The following ZNF684 variants were observed in gnomAD, a reference collection of about 807,000 sequenced individuals.
ZNF684 encodes hypothetical protein MGC27466.
In ZNF684, 13 loss-of-function variants were observed where a neutral mutation model predicts 12.8. The ratio of observed to expected loss-of-function variants is 1.02; its 90% CI spans 0.66 to 1.62. ZNF684 has a LOEUF of 1.62. ZNF684 is among the 40% of genes most tolerant of loss of function. The probability of loss-of-function intolerance (pLI) is 0.00; values close to 1 mark genes in which losing one functional copy is unlikely to be tolerated. For synonymous variants in ZNF684, 118 were observed against 151.8 expected, an observed-to-expected ratio of 0.78 and a Z score of 1.64; for missense variants, 384 against 446.9, an observed-to-expected ratio of 0.86 and a Z score of 1.27.
At chr1:40,538,971 G>A (rs1480290449) in intron 2 of ZNF684, among the ~76,000 whole-genome samples, 1 of 152,108 alleles carries the variant, frequency 6.6e-6, no homozygotes, top group Non-Finnish European at 1.5e-5. Flanking sequence ...AAGATCACTT[G>A]AAGCCAGGAG....
At chr1:40,532,795 G>A (rs973426279) in intron 1 of ZNF684, among the ~76,000 whole-genome samples, 9 of 152,152 alleles carry the variant, frequency 5.9e-5, no homozygotes, top group African/African-American at 2.2e-4. Flanking sequence ...GAGCTTCAGA[G>A]ACCAAGCTTT....
rs115401271 is a variant in ZNF684, at chr1:40,546,913, G to A, written c.590G>A (p.Ser197Asn). The A allele has an allele frequency of 1.2e-3, 1,937 of 1,614,096 alleles. 20 individuals carry two copies. In the African/African-American group the frequency reaches 0.022, roughly 18 times the overall value. Reference sequence around the variant, plus strand: ...TGCAATGACTGTGGAAAAGCCTATAGCAGGAAGGCACACCTTGCAACTCAT... The same window carrying A: ...TGCAATGACTGTGGAAAAGCCTATAACAGGAAGGCACACCTTGCAACTCAT... ...FECNDCGKAY[S>N]RKAHLATHQK... The change falls in exon 5 of 5, where the codon AGC becomes AAC. Residue 197 changes from serine to asparagine, a missense_variant. Ser to Asn is a conservative substitution (Grantham distance 46). Transcript: ENST00000372699.
intron 1 of ZNF684, among the ~76,000 whole-genome samples, chr1:40,532,673 G>T (rs1557603884): frequency 6.6e-6 from 1 of 152,030 alleles, no homozygotes; most frequent in African/African-American, 2.4e-5. Flanking sequence ...AAGTGTTCCT[G>T]GGTCCCTGAA....
intron 4 of ZNF684, among the ~76,000 whole-genome samples, chr1:40,543,404 CT>C (rs949056816): frequency 1.1e-4 from 16 of 149,412 alleles, no homozygotes; most frequent in African/African-American, 3.4e-4. Flanking sequence ...AATTATCCAT[CT>C]TTTTTTTATT....
rs74068742 is a variant in ZNF684, at chr1:40,545,586, G to A, written c.239-976G>A. On this transcript the variant is annotated intron_variant, in intron 4 of 4. Coordinates refer to ENST00000372699, the MANE Select transcript of ZNF684 (RefSeq NM_152373.4). ...ATGACTTACGCTTGGATGACTTGCT[G>A]GACATTTGTGTTCCTGGGCTTACAA... Among the ~76,000 whole-genome samples, 1,208 of 152,258 alleles carry A rather than the reference G, an allele frequency of 7.9e-3. 13 individuals carry two copies. The highest frequency in any genetic ancestry group is 0.027 in the African/African-American group (1,117 of 41,528).
chr1:40,538,885 C>A (rs1200336053), intron 2 of ZNF684, among the ~76,000 whole-genome samples: 1 of 151,838 alleles, frequency 6.6e-6, no homozygotes, highest in African/African-American at 2.4e-5. Flanking sequence ...TCCATAGTTA[C>A]ATGGAACTGC....
At chr1:40,543,605 C>T (rs993422341) in intron 4 of ZNF684, among the ~76,000 whole-genome samples, 1 of 152,026 alleles carries the variant, frequency 6.6e-6, no homozygotes, top group African/African-American at 2.4e-5. Context: ...TACAGGTGCC[C>T]ACCACCACAC....
intron 2 of ZNF684, among the ~76,000 whole-genome samples, chr1:40,534,219 A>G (rs1442081794): frequency 1.4e-5 from 2 of 146,424 alleles, no homozygotes; most frequent in Non-Finnish European, 3.0e-5. Context: ...AGGTTTTCTT[A>G]TAGGTCTTTT....
In ZNF684 at chr1:40,546,977, T is replaced by A. The variant is rs558571175; in HGVS notation, c.654T>A (p.Asn218Lys). 1.3e-4 allele frequency: 216 copies of A among 1,613,976 alleles called. No homozygotes were observed. Among genetic ancestry groups the A allele is most frequent in the Non-Finnish European group, 1.8e-4 (207 of 1,179,986 alleles). ...ATGGAGAGAGACCCTTTGTGTGCAA[T>A]GATTGTGGGAAGGCGTTTATGCATA... is the stretch of plus-strand genomic sequence containing the variant. ...IHNGERPFVC[N>K]DCGKAFMHKA... Residue 218 changes from asparagine (N) to lysine (K), a missense_variant, in exon 5 of 5, where the codon AAT (asparagine) becomes AAA (lysine). Transcript: ENST00000372699.
At chr1:40,535,267 A>C (rs59758251) in intron 2 of ZNF684, among the ~76,000 whole-genome samples, 22,503 of 152,224 alleles carry the variant, frequency 0.15, 1,852 homozygotes, top group Middle Eastern at 0.24. Context: ...CAGATCCCCA[A>C]ATCTGAACAT....
intron 2 of ZNF684, among the ~76,000 whole-genome samples, chr1:40,536,513 CTTT>C (rs199567978): frequency 7.1e-6 from 1 of 140,952 alleles, no homozygotes. Flanking sequence ...TCAGTAACAT[CTTT>C]TTTTTTTTTT....
At position 40,536,811 on chromosome 1, in the gene ZNF684, A is replaced by G. The variant is rs1028138908; in HGVS notation, c.15+3630A>G. Among the ~76,000 whole-genome samples, 205 of 150,208 alleles carry G rather than the reference A, an allele frequency of 1.4e-3. 1 individual carries two copies. The highest frequency in any genetic ancestry group is 4.7e-3 in the African/African-American group (192 of 40,654). On this transcript the variant is annotated intron_variant, in intron 2 of 4. Transcript: ENST00000372699. Reference sequence around the variant, plus strand: ...AGTTTACTGAGAATGATGATTTCCAATTTCATCCATGTCCCTACAAAGGAC... The same window carrying G: ...AGTTTACTGAGAATGATGATTTCCAGTTTCATCCATGTCCCTACAAAGGAC...
chr1:40,540,370 T>C (rs1387545037), intron 2 of ZNF684, among the ~76,000 whole-genome samples: 1 of 152,224 alleles, frequency 6.6e-6, no homozygotes, highest in Non-Finnish European at 1.5e-5. Flanking sequence ...AGACTTTTTT[T>C]TCCCCTGTTG....
At chr1:40,544,538 GAC>G in intron 4 of ZNF684, 2 of 278,118 alleles carry the variant, frequency 7.2e-6, no homozygotes, top group Non-Finnish European at 1.4e-5. Flanking sequence ...TTTTAGTAGA[GAC>G]ACGGTTTCAC....
In ZNF684 at chr1:40,546,938, T is replaced by A. The variant is rs1347287069; in HGVS notation, c.615T>A (p.His205Gln). ...GCAGGAAGGCACACCTTGCAACTCA[T>A]CAGAAAATTCATAATGGAGAGAGAC... ...AYSRKAHLAT[H>Q]QKIHNGERPF... Residue 205 changes from histidine (H) to glutamine (Q), a missense_variant, in exon 5 of 5, where the codon CAT (histidine) becomes CAA (glutamine). By Grantham distance (24) the His-to-Gln change is conservative. Transcript: ENST00000372699. The A allele has an allele frequency of 6.2e-7, 1 of 1,614,030 alleles. No individual in the cohort carries two copies. Among genetic ancestry groups the A allele is most frequent in the Non-Finnish European group, 8.5e-7 (1 of 1,180,034 alleles).
chr1:40,544,496 C>T (rs1318555310), intron 4 of ZNF684: 18 of 326,250 alleles, frequency 5.5e-5, no homozygotes, highest in African/African-American at 2.5e-4. Flanking sequence ...GAACTACAGG[C>T]GCCCGCCACC....
intron 2 of ZNF684, among the ~76,000 whole-genome samples, chr1:40,534,246 T>C (rs1316451332): frequency 6.9e-6 from 1 of 145,924 alleles, no homozygotes; most frequent in Non-Finnish European, 1.5e-5. Flanking sequence ...ATTTTTTTTT[T>C]TTTTTTTTTT....
At position 40,541,730 on chromosome 1, in the gene ZNF684, A is replaced by G; in HGVS notation, c.238+20A>G. The G allele has an allele frequency of 6.2e-7, 1 of 1,600,952 alleles. No individual in the cohort carries two copies. The highest frequency in any genetic ancestry group is 8.5e-7 in the Non-Finnish European group (1 of 1,169,856). ...CTCCAGGTGAGTGAGAGAAATTCAGATGGGGCTGTGTGGAGTTGAGATCCC... is the reference window on the plus strand; with the variant it reads ...CTCCAGGTGAGTGAGAGAAATTCAGGTGGGGCTGTGTGGAGTTGAGATCCC... On this transcript the variant is annotated intron_variant, in intron 4 of 4. Coordinates refer to ENST00000372699, the MANE Select transcript of ZNF684 (RefSeq NM_152373.4).
At position 40,547,409 on chromosome 1, in the gene ZNF684, A is replaced by G. The variant is rs745357420; in HGVS notation, c.1086A>G (p.Lys362=). 1.2e-6 allele frequency: 2 copies of G among 1,612,404 alleles called. No homozygotes were observed. The highest frequency in any genetic ancestry group is 4.5e-5 in the East Asian group (2 of 44,826). The change falls in exon 5 of 5, where the codon AAA becomes AAG. Residue 362 remains lysine, a synonymous_variant. Coordinates refer to ENST00000372699, the MANE Select transcript of ZNF684 (RefSeq NM_152373.4). The stretch of plus-strand genomic sequence containing the variant: ...CCTATGAATGTAACAGATGTGGGAA[A>G]GCATTTTCCCAGAAGTCAAATCTTA... ...EKPYECNRCG[K]AFSQKSNLIV...
Sources: gnomAD v4.1 joint callset for allele counts (sites outside exome capture counted in the v4.1 genomes callset) on GRCh38, gnomAD v4.1.1 for gene constraint, MANE v1.5 for transcripts, NCBI Gene and HGNC (gene_info 2026-07-23, HGNC 2026-07-21) for gene names.